Variants in GPC5 observed in about 807,000 individuals in gnomAD.
GPC5 encodes glypican-5.
GPC5 carries 47 observed loss-of-function variants against 53.9 expected under a neutral mutation model. The observed-to-expected ratio is 0.87, with a 90% confidence interval of 0.69 to 1.11. The LOEUF (loss-of-function observed/expected upper bound fraction) is 1.11, where lower values mean the gene tolerates loss of function less well. Ranked by LOEUF, GPC5 falls within the 50% of genes most tolerant of loss-of-function variation. The pLI, the probability that GPC5 is intolerant of heterozygous loss-of-function variation, is 0.00. For missense variants in GPC5, 748 were observed against 713.1 expected, an observed-to-expected ratio of 1.05 and a Z score of -0.56; for synonymous variants, 286 against 263.3, an observed-to-expected ratio of 1.09 and a Z score of -0.84.
intron 7 of GPC5, among the ~76,000 whole-genome samples, chr13:92,548,151 CT>C (rs1882192335): frequency 1.3e-5 from 2 of 151,800 alleles, no homozygotes; most frequent in Non-Finnish European, 2.9e-5. Flanking sequence ...GGCTATTATT[CT>C]TTTAAAATTG....
intron 7 of GPC5, among the ~76,000 whole-genome samples, chr13:92,491,072 A>G (rs1248261036): frequency 2.0e-5 from 3 of 152,082 alleles, no homozygotes; most frequent in Non-Finnish European, 1.5e-5. Flanking sequence ...ACAAATCAGA[A>G]ATTTATTATG....
At chr13:92,104,727 T>C (rs1267228017) in intron 6 of GPC5, among the ~76,000 whole-genome samples, 6 of 152,198 alleles carry the variant, frequency 3.9e-5, no homozygotes, top group African/African-American at 1.2e-4. Context: ...GAGTTACTTA[T>C]AGATCTTTGT....
At chr13:92,406,718 A>C (rs1448192134) in intron 7 of GPC5, among the ~76,000 whole-genome samples, 1 of 152,202 alleles carries the variant, frequency 6.6e-6, no homozygotes, top group Non-Finnish European at 1.5e-5. Context: ...TTCTTATCTC[A>C]GAGACAAGTA....
At chr13:91,682,235 G>A (rs181229402) in intron 2 of GPC5, among the ~76,000 whole-genome samples, 1 of 152,318 alleles carries the variant, frequency 6.6e-6, no homozygotes, top group African/African-American at 2.4e-5. Flanking sequence ...GGTCGTGCTA[G>A]TAAGAGTACC....
At chr13:92,788,183 AT>A (rs996132456) in intron 7 of GPC5, among the ~76,000 whole-genome samples, 219 of 152,184 alleles carry the variant, frequency 1.4e-3, no homozygotes, top group African/African-American at 5.0e-3. Flanking sequence ...TGAACACATA[AT>A]TTTTTTAAAT....
intron 6 of GPC5, among the ~76,000 whole-genome samples, chr13:92,138,492 G>C (rs998313487): frequency 1.3e-5 from 2 of 151,526 alleles, no homozygotes; most frequent in African/African-American, 4.9e-5. Flanking sequence ...TGCGCTCCAG[G>C]CTGGGTGACA....
At chr13:92,521,204 A>C (rs9301817) in intron 7 of GPC5, among the ~76,000 whole-genome samples, 11,143 of 152,258 alleles carry the variant, frequency 0.073, 1,231 homozygotes, top group African/African-American at 0.24. Context: ...ATACTGCCCA[A>C]GGTAATTTAC....
At chr13:92,486,093 C>G (rs1879543038) in intron 7 of GPC5, among the ~76,000 whole-genome samples, 4 of 152,212 alleles carry the variant, frequency 2.6e-5, no homozygotes, top group Admixed American at 2.6e-4. Flanking sequence ...TTAATACATG[C>G]AACTGTCACA....
chr13:92,174,545 A>AC (rs1048845944), intron 7 of GPC5, among the ~76,000 whole-genome samples: 5 of 150,784 alleles, frequency 3.3e-5, no homozygotes, highest in South Asian at 2.1e-4. Context: ...AAAGAAAAAA[A>AC]AAAAACAAAA....
intron 7 of GPC5, among the ~76,000 whole-genome samples, chr13:92,766,928 C>G (rs1012022451): frequency 6.6e-6 from 1 of 152,164 alleles, no homozygotes; most frequent in Non-Finnish European, 1.5e-5. Flanking sequence ...TACAATGCCT[C>G]TAGTTGCTAT....
At chr13:92,349,543 TA>T (rs1311869235) in intron 7 of GPC5, among the ~76,000 whole-genome samples, 3 of 149,138 alleles carry the variant, frequency 2.0e-5, no homozygotes, top group African/African-American at 7.4e-5. Context: ...CTCAAGTAAA[TA>T]AAATCTGAGG....
At chr13:91,571,048 T>C (rs1431460087) in intron 2 of GPC5, among the ~76,000 whole-genome samples, 1 of 152,158 alleles carries the variant, frequency 6.6e-6, no homozygotes, top group Non-Finnish European at 1.5e-5. Flanking sequence ...GTATGCAGTA[T>C]TCAAAATTCT....
At chr13:91,556,736 G>T (rs537504628) in intron 2 of GPC5, among the ~76,000 whole-genome samples, 3 of 151,872 alleles carry the variant, frequency 2.0e-5, no homozygotes, top group Non-Finnish European at 4.4e-5. Flanking sequence ...ACCAAACGTT[G>T]TATGTTCTCA....
Position 92,409,486 on chromosome 13 carries a change from A to G in GPC5, c.1561+264497A>G, listed in dbSNP as rs944390737. Among the ~76,000 whole-genome samples the G allele has an allele frequency of 4.6e-5, 7 of 152,228 alleles. No homozygotes were observed. The South Asian group carries it at 1.0e-3, about 23-fold the overall frequency. ...CCACACTAATATTTAAATAACTTCA[A>G]TATGAACTAATGTATCATTTTAATC... On this transcript the variant is annotated intron_variant, in intron 7 of 7. Transcript: ENST00000377067.
At chr13:92,279,681 A>G (rs1015819841) in intron 7 of GPC5, among the ~76,000 whole-genome samples, 2 of 151,962 alleles carry the variant, frequency 1.3e-5, no homozygotes, top group Non-Finnish European at 2.9e-5. Flanking sequence ...TGAGATGGTC[A>G]TGAGTTTTCC....
intron 7 of GPC5, among the ~76,000 whole-genome samples, chr13:92,184,088 A>C (rs2042166089): frequency 6.6e-6 from 1 of 151,952 alleles, no homozygotes; most frequent in African/African-American, 2.4e-5. Flanking sequence ...CCTTTATTTT[A>C]TGTGCTGTCT....
chr13:92,277,623 G>A (rs2042885117), intron 7 of GPC5, among the ~76,000 whole-genome samples: 1 of 151,840 alleles, frequency 6.6e-6, no homozygotes, highest in Non-Finnish European at 1.5e-5. Context: ...TTAATACTAA[G>A]CATTTTTTTA....
chr13:92,065,197 G>A (rs2041158532), intron 6 of GPC5, among the ~76,000 whole-genome samples: 1 of 152,098 alleles, frequency 6.6e-6, no homozygotes, highest in Non-Finnish European at 1.5e-5. Flanking sequence ...ATAGTTATGA[G>A]TCTATCTATC....
At chr13:92,303,653 G>T (rs2043090465) in intron 7 of GPC5, among the ~76,000 whole-genome samples, 1 of 152,156 alleles carries the variant, frequency 6.6e-6, no homozygotes, top group Admixed American at 6.6e-5. Context: ...AAGCAGCATT[G>T]CCCAACACAA....
Sources: allele counts gnomAD v4.1 joint callset (sites outside exome capture counted in the v4.1 genomes callset), GRCh38; gene constraint gnomAD v4.1.1; transcripts MANE v1.5; gene names NCBI Gene and HGNC (gene_info 2026-07-23, HGNC 2026-07-21).